The following TMEM229B variants were observed in gnomAD, a reference collection of about 807,000 sequenced individuals.
The protein encoded by TMEM229B is chromosome 14 open reading frame 83.
A neutral mutation model predicts 13.7 loss-of-function variants in TMEM229B; 6 were observed. That is an observed-to-expected ratio of 0.44 (90% CI 0.24 to 0.86). The LOEUF is 0.86. TMEM229B is among the 40% of genes least tolerant of loss of function. The pLI, the probability that TMEM229B is intolerant of heterozygous loss-of-function variation, is 0.23. For synonymous variants in TMEM229B, 107 were observed against 102.1 expected (o/e 1.05, Z -0.29); for missense variants, 170 against 236.0 (o/e 0.72, Z 1.83).
intron 2 of TMEM229B, among the ~76,000 whole-genome samples, chr14:67,477,337 T>C (rs1221382241): frequency 1.3e-5 from 2 of 152,206 alleles, no homozygotes; most frequent in East Asian, 3.8e-4. Context: ...CAGGTCCTAT[T>C]CATTCTGTTA....
intron 1 of TMEM229B, among the ~76,000 whole-genome samples, chr14:67,522,128 G>A (rs901935641): frequency 3.3e-5 from 5 of 152,290 alleles, no homozygotes; most frequent in Non-Finnish European, 5.9e-5. Flanking sequence ...AGCTGAGATC[G>A]TGCCACTGCA....
At chr14:67,531,850 T>G (rs2033466138) in intron 1 of TMEM229B, among the ~76,000 whole-genome samples, 1 of 135,318 alleles carries the variant, frequency 7.4e-6, no homozygotes, top group Non-Finnish European at 1.5e-5. Flanking sequence ...CAAGTTACAG[T>G]GAGCTATGAT....
At chr14:67,529,328 G>A (rs2033412204) in intron 1 of TMEM229B, among the ~76,000 whole-genome samples, 2 of 152,232 alleles carry the variant, frequency 1.3e-5, no homozygotes, top group East Asian at 1.9e-4. Context: ...GTGTCCCCTG[G>A]GTGGAAGAGC....
chr14:67,504,682 C>A (rs112178354), intron 1 of TMEM229B, among the ~76,000 whole-genome samples: 191 of 152,252 alleles, frequency 1.3e-3, no homozygotes, highest in African/African-American at 4.6e-3. Flanking sequence ...GTCAGGAGTT[C>A]AAGACCAGCC....
At chr14:67,474,019 G>C (rs529755957) in intron 2 of TMEM229B, 78 bp from the exon 3 acceptor site, 21 of 1,411,894 alleles carry the variant, frequency 1.5e-5, no homozygotes, top group Non-Finnish European at 2.0e-5. Flanking sequence ...TTGGGAGGCC[G>C]AGGCGGCGGA....
chr14:67,502,983 A>C (rs775584008), intron 1 of TMEM229B, among the ~76,000 whole-genome samples: 1 of 152,142 alleles, frequency 6.6e-6, no homozygotes, highest in Non-Finnish European at 1.5e-5. Context: ...AACTGAAGGG[A>C]TATCATCCGG....
At chr14:67,481,748 C>A (rs1305760671) in intron 2 of TMEM229B, among the ~76,000 whole-genome samples, 1 of 152,198 alleles carries the variant, frequency 6.6e-6, no homozygotes, top group Non-Finnish European at 1.5e-5. Flanking sequence ...CGGCCTCCAC[C>A]CACCCGACTC....
At chr14:67,529,326 T>C (rs534137329) in intron 1 of TMEM229B, among the ~76,000 whole-genome samples, 3 of 152,290 alleles carry the variant, frequency 2.0e-5, no homozygotes, top group Non-Finnish European at 4.4e-5. Context: ...CTGTGTCCCC[T>C]GGGTGGAAGA....
chr14:67,496,448 G>GGCTGGAGT (rs2032385598), intron 1 of TMEM229B, among the ~76,000 whole-genome samples: 1 of 119,840 alleles, frequency 8.3e-6, no homozygotes, highest in Admixed American at 1.2e-4. Context: ...CTGTCACCCA[G>GGCTGGAGT]GCTGGAGTGC....
At chr14:67,526,871 G>A (rs1198974219) in intron 1 of TMEM229B, among the ~76,000 whole-genome samples, 3 of 152,252 alleles carry the variant, frequency 2.0e-5, no homozygotes, top group Non-Finnish European at 4.4e-5. Context: ...ACAAAGAGGG[G>A]AGGGCAAAGA....
intron 1 of TMEM229B, among the ~76,000 whole-genome samples, chr14:67,503,895 G>C (rs1366286910): frequency 6.6e-6 from 1 of 151,768 alleles, no homozygotes; most frequent in Non-Finnish European, 1.5e-5. Context: ...GTAGAGACAG[G>C]GTTTCACCAT....
intron 1 of TMEM229B, among the ~76,000 whole-genome samples, chr14:67,514,614 G>A (rs923550680): frequency 2.0e-5 from 3 of 152,064 alleles, no homozygotes; most frequent in Non-Finnish European, 2.9e-5. Flanking sequence ...TCTAATTCAG[G>A]AGGGTCCTTG....
At chr14:67,476,773 C>T (rs894409643) in intron 2 of TMEM229B, among the ~76,000 whole-genome samples, 1 of 152,156 alleles carries the variant, frequency 6.6e-6, no homozygotes, top group Non-Finnish European at 1.5e-5. Context: ...AACTCATCCC[C>T]TGCACATGAC....
intron 1 of TMEM229B, among the ~76,000 whole-genome samples, 166 bp downstream of exon 1, chr14:67,488,342 T>C (rs901641775): frequency 2.0e-5 from 3 of 152,232 alleles, no homozygotes; most frequent in African/African-American, 7.2e-5. Flanking sequence ...GTGGGGGAAC[T>C]GAAACTCACT....
chr14:67,525,901 C>G (rs1369407401), intron 1 of TMEM229B, among the ~76,000 whole-genome samples: 2 of 152,206 alleles, frequency 1.3e-5, no homozygotes, highest in African/African-American at 2.4e-5. Context: ...ATTCCAGAAG[C>G]CATCTGAGAG....
intron 1 of TMEM229B, among the ~76,000 whole-genome samples, chr14:67,487,488 C>A (rs1421851365): frequency 6.6e-6 from 1 of 152,190 alleles, no homozygotes; most frequent in South Asian, 2.1e-4. Flanking sequence ...CATTCTCATT[C>A]AGCTTCAAAT....
chr14:67,507,464 G>C (rs1011409605), intron 1 of TMEM229B, among the ~76,000 whole-genome samples: 1 of 152,074 alleles, frequency 6.6e-6, no homozygotes, highest in Non-Finnish European at 1.5e-5. Flanking sequence ...GCAGACCCTG[G>C]AGTCCCCAGG....
At chr14:67,512,282 A>C (rs145496541) in intron 1 of TMEM229B, among the ~76,000 whole-genome samples, 1 of 152,198 alleles carries the variant, frequency 6.6e-6, no homozygotes, top group East Asian at 1.9e-4. Context: ...ATCAGCTTAC[A>C]CTTTACTTTT....
chr14:67,519,645 G>A (rs111761121), upstream of TMEM229B, among the ~76,000 whole-genome samples: 93 of 151,948 alleles, frequency 6.1e-4, no homozygotes, highest in Admixed American at 1.6e-3. Context: ...CCCAAACAGC[G>A]AAAGTCCAGG....
Sources: allele counts gnomAD v4.1 joint callset (sites outside exome capture counted in the v4.1 genomes callset), GRCh38; gene constraint gnomAD v4.1.1; transcripts MANE v1.5; gene names NCBI Gene and HGNC (gene_info 2026-07-23, HGNC 2026-07-21).